Variants in FOXP1 observed in about 807,000 individuals in gnomAD.
The protein encoded by FOXP1 is forkhead box protein P1.
A neutral mutation model predicts 98.2 loss-of-function variants in FOXP1; 15 were observed. The ratio of observed to expected loss-of-function variants is 0.15; its 90% CI spans 0.10 to 0.24. FOXP1 has a LOEUF of 0.24. Ranked by LOEUF, FOXP1 falls within the 10% of genes least tolerant of loss-of-function variation. The pLI, the probability that FOXP1 is intolerant of heterozygous loss-of-function variation, is 1.00. For missense variants in FOXP1, 633 were observed against 848.5 expected (o/e 0.75, Z 3.15); for synonymous variants, 371 against 314.5 (o/e 1.18, Z -1.90).
chr3:71,468,309 C>A (rs548577388), intron 3 of FOXP1, among the ~76,000 whole-genome samples: 3 of 152,260 alleles, frequency 2.0e-5, no homozygotes, highest in Non-Finnish European at 2.9e-5. Context: ...ATTTGCAAAT[C>A]AGCCACCAAA....
intron 3 of FOXP1, among the ~76,000 whole-genome samples, chr3:71,459,624 T>A (rs1224069188): frequency 1.3e-5 from 2 of 152,352 alleles, no homozygotes; most frequent in African/African-American, 2.4e-5. Flanking sequence ...TGTTGTTTTT[T>A]AAAATCCCTT....
intron 3 of FOXP1, among the ~76,000 whole-genome samples, chr3:71,366,831 A>G (rs1272665957): frequency 1.3e-5 from 2 of 152,204 alleles, no homozygotes; most frequent in Non-Finnish European, 2.9e-5. Flanking sequence ...CTTACTTTTT[A>G]AAAGTCCTCT....
At chr3:71,545,109 A>ATTAAT (rs2045253967) in intron 2 of FOXP1, among the ~76,000 whole-genome samples, 4 of 150,856 alleles carry the variant, frequency 2.7e-5, no homozygotes, top group Admixed American at 2.6e-4. Context: ...TTTTTTTATT[A>ATTAAT]AAAATAACCA....
At chr3:71,493,720 G>A (rs1026549197) in intron 2 of FOXP1, among the ~76,000 whole-genome samples, 165 bp from the exon 3 acceptor site, 27 of 152,078 alleles carry the variant, frequency 1.8e-4, no homozygotes, top group African/African-American at 5.8e-4. Context: ...AATATGAACC[G>A]GAAATACTGT....
rs183342745 is a variant in FOXP1, at chr3:70,977,060, A to G, written c.1429-18T>C. The G allele has an allele frequency of 3.3e-6, 5 of 1,527,562 alleles. No homozygotes were observed. The highest frequency in any genetic ancestry group is 1.7e-4 in the Middle Eastern group (1 of 5,910). The allele number at this position is 1,527,562 out of a possible 1,614,324, so 94.6% of individuals were successfully genotyped here. On this transcript the variant is annotated intron_variant, in intron 16 of 20. Coordinates refer to ENST00000649528, the MANE Select transcript of FOXP1 (RefSeq NM_001349338.3). ...AGAATGGCCTGTGAAGCAGAATGTA[A>G]CAGAAGATAATTTATGACCAAATCA...
chr3:71,308,932 CTTTTAGTA>C (rs2074496409), intron 4 of FOXP1, among the ~76,000 whole-genome samples: 1 of 151,962 alleles, frequency 6.6e-6, no homozygotes, highest in Non-Finnish European at 1.5e-5. Flanking sequence ...ATAGAATTTC[CTTTTAGTA>C]GGGAATAAAT....
At chr3:71,540,854 T>C (rs2044750377) in intron 2 of FOXP1, among the ~76,000 whole-genome samples, 1 of 152,242 alleles carries the variant, frequency 6.6e-6, no homozygotes, top group South Asian at 2.1e-4. Context: ...TGAATATGTT[T>C]AGTTACTAAT....
At chr3:71,486,978 C>T (rs181152423) in intron 3 of FOXP1, among the ~76,000 whole-genome samples, 23 of 152,192 alleles carry the variant, frequency 1.5e-4, no homozygotes, top group South Asian at 1.5e-3. Context: ...TGCCCTGCAC[C>T]GGTCAGCACC....
chr3:71,204,466 G>C (rs962328419), intron 5 of FOXP1, among the ~76,000 whole-genome samples: 4 of 152,156 alleles, frequency 2.6e-5, no homozygotes, highest in Non-Finnish European at 5.9e-5. Flanking sequence ...CTTCACAACA[G>C]AGAGGGAATC....
intron 6 of FOXP1, among the ~76,000 whole-genome samples, chr3:71,184,497 T>A (rs571711167): frequency 1.3e-5 from 2 of 152,192 alleles, no homozygotes; most frequent in Non-Finnish European, 2.9e-5. Context: ...TGGCTCTTGG[T>A]ACAGATTGCT....
At chr3:71,465,050 G>C (rs544854248) in intron 3 of FOXP1, among the ~76,000 whole-genome samples, 1 of 152,190 alleles carries the variant, frequency 6.6e-6, no homozygotes, top group African/African-American at 2.4e-5. Flanking sequence ...GCTTAAGCCT[G>C]TAATCCCAGC....
chr3:71,301,634 C>T (rs1384838537), intron 4 of FOXP1, among the ~76,000 whole-genome samples: 1 of 152,092 alleles, frequency 6.6e-6, no homozygotes, highest in Non-Finnish European at 1.5e-5. Flanking sequence ...GGCAGTCAGA[C>T]CTATAGTATT....
At chr3:71,583,957 T>G (rs886058870), upstream of FOXP1, 1 of 981,966 alleles carries the variant, frequency 1.0e-6, no homozygotes. Context: ...GCTCCCTCTT[T>G]GCCGTTCGCC....
intron 7 of FOXP1, among the ~76,000 whole-genome samples, chr3:71,072,523 C>G (rs2053374187): frequency 6.6e-6 from 1 of 152,196 alleles, no homozygotes; most frequent in Non-Finnish European, 1.5e-5. Context: ...TATGAAACAT[C>G]AACAACTTGT....
At chr3:71,537,908 T>C (rs1031697584) in intron 2 of FOXP1, among the ~76,000 whole-genome samples, 2 of 152,180 alleles carry the variant, frequency 1.3e-5, no homozygotes, top group Non-Finnish European at 2.9e-5. Context: ...CGATGTGAAA[T>C]TGAAATTTCG....
chr3:71,211,534 G>A (rs368194725), intron 5 of FOXP1, among the ~76,000 whole-genome samples: 15 of 152,018 alleles, frequency 9.9e-5, no homozygotes, highest in East Asian at 5.8e-4. Context: ...TATGTACCCA[G>A]TTTACTTATT....
At chr3:71,490,851 C>G (rs910820512) in intron 3 of FOXP1, among the ~76,000 whole-genome samples, 1 of 152,106 alleles carries the variant, frequency 6.6e-6, no homozygotes, top group African/African-American at 2.4e-5. Flanking sequence ...GAGTCAGACT[C>G]TCTCAATACC....
chr3:71,058,592 AAGAG>A lies in FOXP1; in HGVS notation c.283-4823_283-4820del, dbSNP rs371444920. ...CAAACAGAGAAAATAGCTCCATTAA[AAGAG>A]AGAGAGGAGAAAAAAAAAAAAAAAC... On this transcript the variant is annotated intron_variant, in intron 7 of 20. Coordinates refer to ENST00000649528, the MANE Select transcript of FOXP1 (RefSeq NM_001349338.3). Among the ~76,000 whole-genome samples the A allele has an allele frequency of 7.9e-5, 12 of 151,798 alleles. No individual in the cohort carries two copies. The East Asian group carries it at 1.2e-3, about 15-fold the overall frequency.
At chr3:71,472,381 A>C (rs1014399006) in intron 3 of FOXP1, among the ~76,000 whole-genome samples, 1 of 152,206 alleles carries the variant, frequency 6.6e-6, no homozygotes, top group African/African-American at 2.4e-5. Context: ...AAAATGAAAA[A>C]TCTTATGGGT....
Sources: allele counts gnomAD v4.1 joint callset (sites outside exome capture counted in the v4.1 genomes callset), GRCh38; gene constraint gnomAD v4.1.1; transcripts MANE v1.5; gene names NCBI Gene and HGNC (gene_info 2026-07-23, HGNC 2026-07-21).